RTTN: variants seen among roughly 807,000 people sequenced by gnomAD.
RTTN encodes the protein rotatin.
RTTN carries 182 observed loss-of-function variants against 269.2 expected under a neutral mutation model. That is an observed-to-expected ratio of 0.68 (90% confidence interval 0.60 to 0.76). The LOEUF is 0.76. Among genes scored for constraint, RTTN ranks in the 30% least tolerant of loss-of-function variants. RTTN has a pLI of 0.00. For missense variants in RTTN, 2,545 were observed against 2,608.6 expected (o/e 0.98, Z 0.53); for synonymous variants, 1,006 against 963.5 (o/e 1.04, Z -0.82).
intron 14 of RTTN, among the ~76,000 whole-genome samples, chr18:70,164,816 A>C (rs1210684645): frequency 6.6e-6 from 1 of 152,246 alleles, no homozygotes; most frequent in African/African-American, 2.4e-5. Context: ...GTTCAAAGCG[A>C]AAAGTCCTAA....
intron 37 of RTTN, 122 bp downstream of exon 37, chr18:70,057,620 C>T (rs756896792): frequency 3.6e-4 from 249 of 687,652 alleles, no homozygotes; most frequent in Admixed American, 1.3e-3. Context: ...CGAATAATCT[C>T]ATCATACCAT....
intron 40 of RTTN, among the ~76,000 whole-genome samples, chr18:70,037,098 C>T (rs936828296): frequency 6.6e-6 from 1 of 152,242 alleles, no homozygotes; most frequent in African/African-American, 2.4e-5. Context: ...TTTAGATCAA[C>T]TGCCCAAACC....
chr18:70,146,699 T>C (rs2060402645), intron 17 of RTTN, among the ~76,000 whole-genome samples: 1 of 152,184 alleles, frequency 6.6e-6, no homozygotes, highest in Non-Finnish European at 1.5e-5. Flanking sequence ...TAATTGATAA[T>C]AAGAGCTATA....
In RTTN at chr18:70,044,027, A is replaced by G. The variant is rs192589299; in HGVS notation, c.5541+3944T>C. ...AGACATAATGTCTTTTCATCAACCAAAATTCATTTAAATGTCATGCTCTTT... is the reference window on the plus strand; with the variant it reads ...AGACATAATGTCTTTTCATCAACCAGAATTCATTTAAATGTCATGCTCTTT... On this transcript the variant is annotated intron_variant, in intron 40 of 48. Transcript: ENST00000640769. Among the ~76,000 whole-genome samples, 44 of 152,328 alleles carry G rather than the reference A, an allele frequency of 2.9e-4. 1 individual carries two copies. Among genetic ancestry groups the G allele is most frequent in the Admixed American group, 2.6e-3 (40 of 15,296 alleles).
Position 70,109,542 on chromosome 18 carries a change from T to C in RTTN, c.3859A>G (p.Lys1287Glu), listed in dbSNP as rs976282695. The change falls in exon 28 of 49, where the codon AAG (lysine) becomes GAG (glutamate). Residue 1287 changes from lysine (K) to glutamate (E), a missense_variant. Transcript: ENST00000640769. ...PGWSSHSPLTKPLDICVKYLS... is the reference protein window; with the variant it reads ...PGWSSHSPLTEPLDICVKYLS... Reference sequence around the variant, plus strand: ...TACTTCACACAGATATCTAGAGGCTTTGTGAGAGGAGAGTGTGAGCTCCAT... The same window carrying C: ...TACTTCACACAGATATCTAGAGGCTCTGTGAGAGGAGAGTGTGAGCTCCAT... The C allele has an allele frequency of 1.2e-6, 2 of 1,613,992 alleles. No homozygotes were observed. The highest frequency in any genetic ancestry group is 1.3e-5 in the African/African-American group (1 of 74,894).
At chr18:70,083,516 T>C (rs1599444000) in intron 32 of RTTN, among the ~76,000 whole-genome samples, 1 of 152,184 alleles carries the variant, frequency 6.6e-6, no homozygotes, top group South Asian at 2.1e-4. Flanking sequence ...AATGCAAATA[T>C]GGAAAATAAC....
intron 14 of RTTN, among the ~76,000 whole-genome samples, chr18:70,158,293 T>A (rs1001551330): frequency 6.6e-6 from 1 of 152,192 alleles, no homozygotes; most frequent in African/African-American, 2.4e-5. Flanking sequence ...TGGGGACCTA[T>A]AATCAGCATG....
At chr18:70,205,566 C>G in intron 1 of RTTN, 62 bp downstream of exon 1, 3 of 1,605,048 alleles carry the variant, frequency 1.9e-6, no homozygotes, top group Non-Finnish European at 2.6e-6. Flanking sequence ...GTGACACGAC[C>G]ATTCTCAGCA....
chr18:70,087,847 A>G lies in RTTN; in HGVS notation c.4302+142T>C, dbSNP rs2058741314. On this transcript the variant is annotated intron_variant, in intron 31 of 48. Coordinates refer to ENST00000640769, the MANE Select transcript of RTTN (RefSeq NM_173630.4). ...TGCATGAATACCTTTTAAATCCTCT[A>G]CTGTCATTTTGTTTGGGTGTTCACA... 7 of 739,478 alleles carry G rather than the reference A, an allele frequency of 9.5e-6. No homozygotes were observed. In the East Asian group the frequency reaches 1.8e-4, roughly 19 times the overall value. 45.8% of individuals were successfully genotyped at this position (739,478 alleles called of 1,614,324 possible).
chr18:70,008,183 TAACA>T (rs1460536201), intron 46 of RTTN: 1 of 152,024 alleles, frequency 6.6e-6, no homozygotes, highest in Non-Finnish European at 1.5e-5. Context: ...GGAAGAAAAC[TAACA>T]AACAGAAAGG....
Position 70,145,783 on chromosome 18 carries a change from C to T in RTTN, c.2310G>A (p.Ser770=), listed in dbSNP as rs1220794803. Residue 770 remains serine, a splice_region_variant and synonymous_variant, in exon 18 of 49, where the codon TCG becomes TCA. Transcript: ENST00000640769. ...MLRLLLVKKP[S]VRSLALKLLA... The stretch of plus-strand genomic sequence containing the variant: ...AAAGCTTTAATGCTAGCGAACGGAC[C>T]CTGAGAACACAAAGTACTTAAGTCG... 5 of 1,599,202 alleles carry T rather than the reference C, an allele frequency of 3.1e-6. No homozygotes were observed. Among genetic ancestry groups the T allele is most frequent in the Non-Finnish European group, 4.3e-6 (5 of 1,175,066 alleles).
At chr18:70,051,303 C>A in intron 39 of RTTN, 108 bp downstream of exon 39, 1 of 1,276,652 alleles carries the variant, frequency 7.8e-7, no homozygotes, top group Non-Finnish European at 1.1e-6. Flanking sequence ...CTTTTATATG[C>A]CATGCTATAA....
rs749131688 is a variant in RTTN, at chr18:70,188,228, G to C, written c.1190-5C>G. 1 of 1,492,976 alleles carries C rather than the reference G, an allele frequency of 6.7e-7. No homozygotes were observed. The highest frequency in any genetic ancestry group is 1.8e-4 in the Middle Eastern group (1 of 5,504). 92.5% of individuals were successfully genotyped at this position (1,492,976 alleles called of 1,614,324 possible). A position where few individuals can be genotyped will look rare whatever the true frequency, so the allele number is the denominator to read the frequency against. Reference sequence around the variant, plus strand: ...TTATTATCACTTGTCTGCTACCTAGGAATACAAACAGAAAAAAGTAAAGGA... The same window carrying C: ...TTATTATCACTTGTCTGCTACCTAGCAATACAAACAGAAAAAAGTAAAGGA... On this transcript the variant is annotated splice_polypyrimidine_tract_variant and splice_region_variant and intron_variant, in intron 9 of 48. Transcript: ENST00000640769.
chr18:70,109,990 G>T (rs1416203958), intron 27 of RTTN, among the ~76,000 whole-genome samples: 1 of 152,068 alleles, frequency 6.6e-6, no homozygotes, highest in Non-Finnish European at 1.5e-5. Flanking sequence ...AGCCTGAGGT[G>T]GGAGGATTGC....
intron 32 of RTTN, among the ~76,000 whole-genome samples, chr18:70,077,218 G>A (rs562102163): frequency 2.6e-4 from 39 of 151,868 alleles, no homozygotes; most frequent in African/African-American, 9.4e-4. Context: ...AAAATATTTT[G>A]CCATACAGAT....
At chr18:70,164,265 T>A (rs886890838) in intron 14 of RTTN, among the ~76,000 whole-genome samples, 4 of 133,720 alleles carry the variant, frequency 3.0e-5, no homozygotes, top group African/African-American at 1.0e-4. Flanking sequence ...TAGGCTTGAG[T>A]GCAGTGGCAT....
At position 70,024,869 on chromosome 18, in the gene RTTN, G is replaced by T. The variant is rs749152290; in HGVS notation, c.5824-21C>A. On this transcript the variant is annotated intron_variant, in intron 43 of 48. Transcript: ENST00000640769. ...GCTTCCTGTTGAAGGAAGGGAAAAA[G>T]ACAGCATTAGTCTGAATATATGAAA... The T allele has an allele frequency of 2.4e-5, 39 of 1,610,800 alleles. 1 individual carries two copies. The South Asian group carries it at 3.8e-4, about 16-fold the overall frequency.
chr18:70,193,255 T>A (rs2061723865), intron 8 of RTTN, 33 bp downstream of exon 8: 2 of 1,565,116 alleles, frequency 1.3e-6, no homozygotes, highest in East Asian at 4.7e-5. Context: ...AACCGGCATT[T>A]CTCATTTCCC....
chr18:70,061,857 A>G (rs142819491), intron 35 of RTTN, among the ~76,000 whole-genome samples: 1,880 of 152,276 alleles, frequency 0.012, 23 homozygotes, highest in South Asian at 0.038. Flanking sequence ...TAATTGATTC[A>G]TACTGAAAGC....
Sources: gnomAD v4.1 joint callset for allele counts (sites outside exome capture counted in the v4.1 genomes callset) on GRCh38, gnomAD v4.1.1 for gene constraint, MANE v1.5 for transcripts, NCBI Gene and HGNC (gene_info 2026-07-23, HGNC 2026-07-21) for gene names.